The following CHIC1 variants were observed in gnomAD, a reference collection of about 807,000 sequenced individuals.
CHIC1 encodes the protein cysteine rich hydrophobic domain 1.
In CHIC1, 7 loss-of-function variants were observed where a neutral mutation model predicts 18.5. That is an observed-to-expected ratio of 0.38 (90% CI 0.22 to 0.71). CHIC1 has a LOEUF of 0.71. CHIC1 is among the 30% of genes least tolerant of loss of function. The probability of loss-of-function intolerance (pLI) is 0.49; values close to 1 mark genes in which losing one functional copy is unlikely to be tolerated. For synonymous variants in CHIC1, 77 were observed against 73.5 expected (o/e 1.05, Z -0.25); for missense variants, 159 against 176.9 (o/e 0.90, Z 0.57).
rs200882826 is a variant in CHIC1, at chrX:73,655,458, TTG to T, written c.508-23864_508-23863del. Among the ~76,000 whole-genome samples the T allele has an allele frequency of 5.0e-3, 151 of 30,030 alleles. 6 individuals carry two copies. The highest frequency in any genetic ancestry group is 0.029 in the South Asian group (11 of 383). The allele number at this position is 30,030 out of a possible 115,157, so 26.1% of individuals were successfully genotyped here. A position where few individuals can be genotyped will look rare whatever the true frequency, so the allele number is the denominator to read the frequency against. ...TATATATATACATATATACACAATA[TTG>T]TGTATATATATATACATATATACAC... is the stretch of plus-strand genomic sequence containing the variant. On this transcript the variant is annotated intron_variant, in intron 3 of 5. Coordinates refer to ENST00000373502, the MANE Select transcript of CHIC1 (RefSeq NM_001039840.4).
intron 3 of CHIC1, among the ~76,000 whole-genome samples, chrX:73,676,525 G>A (rs887324007): frequency 4.5e-5 from 5 of 111,171 alleles, no homozygotes; most frequent in Admixed American, 2.9e-4. Context: ...TGATCTCATC[G>A]GCTAGTGAGG....
chrX:73,679,615 G>C (rs1360524480), intron 4 of CHIC1, 39 bp from the exon 5 acceptor site: 5 of 913,278 alleles, frequency 5.5e-6, no homozygotes. Context: ...ATTAGTTTAA[G>C]TTAATATAAA....
intron 3 of CHIC1, among the ~76,000 whole-genome samples, chrX:73,606,507 G>A (rs771897254): frequency 2.5e-4 from 27 of 107,172 alleles, no homozygotes; most frequent in Non-Finnish European, 4.0e-4. Flanking sequence ...CTTCTTCTCC[G>A]TCCAGTTTTG....
chrX:73,657,553 G>A (rs1476251488), intron 3 of CHIC1, among the ~76,000 whole-genome samples: 1 of 112,033 alleles, frequency 8.9e-6, no homozygotes, highest in Non-Finnish European at 1.9e-5. Context: ...ATAGAATCAG[G>A]TCAACTGCAA....
Position 73,684,279 on chromosome X carries a change from A to G in CHIC1, c.*3274A>G, listed in dbSNP as rs1470115790. On this transcript the variant is annotated 3_prime_UTR_variant, in exon 6 of 6. Transcript: ENST00000373502. ...GACAGTTGTCTTTGATTAAAGCCCC[A>G]CCAAAACCCATTTAAGTATTTAATG... 3 of 110,948 alleles carry G rather than the reference A, an allele frequency of 2.7e-5. No homozygotes were observed. The highest frequency in any genetic ancestry group is 5.7e-5 in the Non-Finnish European group (3 of 52,687). The allele number at this position is 110,948 out of a possible 1,213,427, so 9.1% of individuals were successfully genotyped here. A position where few individuals can be genotyped will look rare whatever the true frequency, so the allele number is the denominator to read the frequency against.
At chrX:73,601,394 G>C in intron 3 of CHIC1, among the ~76,000 whole-genome samples, 1 of 105,773 alleles carries the variant, frequency 9.5e-6, no homozygotes, top group Non-Finnish European at 1.9e-5. Context: ...CTAGAACTCA[G>C]GATTAAGAAT....
At chrX:73,653,215 G>T (rs2057926148) in intron 3 of CHIC1, among the ~76,000 whole-genome samples, 1 of 109,804 alleles carries the variant, frequency 9.1e-6, no homozygotes, top group Admixed American at 9.7e-5. Flanking sequence ...ACACTCTGGG[G>T]TCTGTTGGGG....
intron 3 of CHIC1, among the ~76,000 whole-genome samples, chrX:73,663,360 G>A (rs1225424247): frequency 9.0e-6 from 1 of 111,282 alleles, no homozygotes; most frequent in Non-Finnish European, 1.9e-5. Flanking sequence ...AGAGAGCCAT[G>A]TCAGGGGTAG....
At chrX:73,580,374 A>G (rs1477949637) in intron 2 of CHIC1, among the ~76,000 whole-genome samples, 1 of 111,110 alleles carries the variant, frequency 9.0e-6, no homozygotes, top group Non-Finnish European at 1.9e-5. Flanking sequence ...TACATTATGT[A>G]TAGTGTACAA....
intron 3 of CHIC1, among the ~76,000 whole-genome samples, chrX:73,613,780 G>A (rs1330628782): frequency 9.0e-6 from 1 of 110,849 alleles, no homozygotes; most frequent in African/African-American, 3.3e-5. Flanking sequence ...ATTTCTGGTT[G>A]TTTTATATAC....
intron 3 of CHIC1, among the ~76,000 whole-genome samples, chrX:73,630,167 G>C (rs1194876080): frequency 9.0e-6 from 1 of 111,273 alleles, no homozygotes; most frequent in African/African-American, 3.3e-5. Context: ...GTCTTTATAG[G>C]ATTTTCTATA....
intron 1 of CHIC1, among the ~76,000 whole-genome samples, chrX:73,568,444 ACT>A (rs1383013591): frequency 3.6e-5 from 4 of 111,426 alleles, no homozygotes; most frequent in African/African-American, 1.3e-4. Flanking sequence ...GATTATATTA[ACT>A]CTTACAGATT....
chrX:73,642,681 T>G (rs9781963), intron 3 of CHIC1, among the ~76,000 whole-genome samples: 5,216 of 110,584 alleles, frequency 0.047, 325 homozygotes, highest in African/African-American at 0.16. Context: ...TAATCCATCT[T>G]GAATTAATTT....
chrX:73,682,825 C>A lies in CHIC1; in HGVS notation c.*1820C>A, dbSNP rs755672535. On this transcript the variant is annotated 3_prime_UTR_variant, in exon 6 of 6. Transcript: ENST00000373502. ...AGGTAGAAGCCTCTGAAAATGTATA[C>A]CAAATGTCTTGTTTTGTAGCTAAGG... 1 of 111,198 alleles carries A rather than the reference C, an allele frequency of 9.0e-6. No homozygotes were observed. The highest frequency in any genetic ancestry group is 3.3e-5 in the African/African-American group (1 of 30,749). The allele number at this position is 111,198 out of a possible 1,213,427, so 9.2% of individuals were successfully genotyped here.
intron 3 of CHIC1, among the ~76,000 whole-genome samples, chrX:73,653,607 T>C (rs1247959456): frequency 2.7e-5 from 3 of 112,376 alleles, no homozygotes; most frequent in Non-Finnish European, 5.6e-5. Flanking sequence ...GTAATTTGTA[T>C]TGTGATTGGG....
At chrX:73,648,128 T>C (rs1213214105) in intron 3 of CHIC1, among the ~76,000 whole-genome samples, 1 of 110,714 alleles carries the variant, frequency 9.0e-6, no homozygotes, top group Non-Finnish European at 1.9e-5. Flanking sequence ...GACCTGACCA[T>C]TGAAAGAAAA....
At position 73,682,170 on chromosome X, in the gene CHIC1, G is replaced by GT. The variant is rs1242446018; in HGVS notation, c.*1170dup. On this transcript the variant is annotated 3_prime_UTR_variant, in exon 6 of 6. Coordinates refer to ENST00000373502, the MANE Select transcript of CHIC1 (RefSeq NM_001039840.4). ...TAATTGAAAAAAAATTCTCAATTCT[G>GT]TTTTTGATGATCCTTTATAAAACAT... is the stretch of plus-strand genomic sequence containing the variant. 6 of 111,434 alleles carry GT rather than the reference G, an allele frequency of 5.4e-5. No homozygotes were observed. The highest frequency in any genetic ancestry group is 9.5e-5 in the Non-Finnish European group (5 of 52,786). The allele number at this position is 111,434 out of a possible 1,213,427, so 9.2% of individuals were successfully genotyped here.
intron 3 of CHIC1, among the ~76,000 whole-genome samples, chrX:73,678,660 G>A (rs2058083555): frequency 8.9e-6 from 1 of 112,403 alleles, no homozygotes; most frequent in Non-Finnish European, 1.9e-5. Flanking sequence ...TTAACATTAT[G>A]TACTCCTTAC....
chrX:73,601,182 A>C (rs1299665879), intron 3 of CHIC1, among the ~76,000 whole-genome samples: 8 of 105,026 alleles, frequency 7.6e-5, no homozygotes, highest in South Asian at 4.3e-4. Context: ...ATACCCAGGA[A>C]TTGAACTCAG....
Sources: gnomAD v4.1 joint callset for allele counts (sites outside exome capture counted in the v4.1 genomes callset) on GRCh38, gnomAD v4.1.1 for gene constraint, MANE v1.5 for transcripts, NCBI Gene and HGNC (gene_info 2026-07-23, HGNC 2026-07-21) for gene names.